Variants in PCTP observed in about 807,000 individuals in gnomAD.
PCTP encodes phosphatidylcholine transfer protein.
PCTP carries 27 observed loss-of-function variants against 31.0 expected under a neutral mutation model. That is an observed-to-expected ratio of 0.87 (90% CI 0.64 to 1.20). PCTP has a LOEUF of 1.20. PCTP is among the 50% of genes most tolerant of loss of function. The pLI is 0.00. For missense variants in PCTP, 287 were observed against 268.2 expected, an observed-to-expected ratio of 1.07 and a Z score of -0.49; for synonymous variants, 108 against 101.2, an observed-to-expected ratio of 1.07 and a Z score of -0.40.
At chr17:55,844,145 G>A (rs1212907189), downstream of PCTP, among the ~76,000 whole-genome samples, 3 of 152,280 alleles carry the variant, frequency 2.0e-5, no homozygotes, top group South Asian at 2.1e-4. Context: ...CATAGACATC[G>A]TATTATAAAT....
intron 1 of PCTP, 172 bp downstream of exon 1, chr17:55,751,416 GCCTC>G: frequency 6.5e-7 from 1 of 1,534,360 alleles, no homozygotes; most frequent in Non-Finnish European, 8.7e-7. Flanking sequence ...CAGGGGCGGT[GCCTC>G]CAAGTGACTG....
At chr17:55,757,489 T>C (rs1226344620) in intron 1 of PCTP, among the ~76,000 whole-genome samples, 2 of 151,414 alleles carry the variant, frequency 1.3e-5, no homozygotes, top group African/African-American at 4.9e-5. Context: ...TGTATATATA[T>C]ATGTGGAAAA....
At chr17:55,754,586 A>G (rs902843540) in intron 1 of PCTP, among the ~76,000 whole-genome samples, 3 of 152,226 alleles carry the variant, frequency 2.0e-5, no homozygotes, top group African/African-American at 7.2e-5. Context: ...ACAGTGTTGA[A>G]ATATGACTGG....
intron 5 of PCTP, among the ~76,000 whole-genome samples, chr17:55,840,321 G>A (rs547466682): frequency 6.6e-6 from 1 of 152,262 alleles, no homozygotes; most frequent in East Asian, 1.9e-4. Context: ...ATTCCCCAGA[G>A]GGAAGATGGA....
intron 3 of PCTP, among the ~76,000 whole-genome samples, chr17:55,801,120 G>GC (rs1350981614): frequency 3.3e-5 from 5 of 152,028 alleles, no homozygotes; most frequent in African/African-American, 1.2e-4. Flanking sequence ...CCTACTTGAT[G>GC]CATTACATAA....
At chr17:55,803,247 A>G (rs1447933068) in intron 3 of PCTP, among the ~76,000 whole-genome samples, 5 of 152,200 alleles carry the variant, frequency 3.3e-5, no homozygotes, top group African/African-American at 1.2e-4. Flanking sequence ...ATGGTCATGG[A>G]TAAGAAGAAT....
At chr17:55,781,913 TTGTGTGTGTG>T (rs34261304), downstream of PCTP, among the ~76,000 whole-genome samples, 21 of 149,480 alleles carry the variant, frequency 1.4e-4, no homozygotes, top group African/African-American at 5.1e-4. Flanking sequence ...CAGCACCTGA[TTGTGTGTGTG>T]TGTGTGTGTG....
At chr17:55,850,999 T>C in the PCTP span, among the ~76,000 whole-genome samples, 2 of 152,190 alleles carry the variant, frequency 1.3e-5, no homozygotes, top group African/African-American at 4.8e-5. Flanking sequence ...AGATAAATTA[T>C]TTTAAAAGCT....
the PCTP span, among the ~76,000 whole-genome samples, chr17:55,849,672 A>G: frequency 3.3e-5 from 5 of 152,234 alleles, no homozygotes; most frequent in East Asian, 3.9e-4. Context: ...ATTCTACACA[A>G]TATCTTCCAA....
intron 5 of PCTP, among the ~76,000 whole-genome samples, chr17:55,832,669 C>A (rs1279606888): frequency 6.6e-6 from 1 of 152,202 alleles, no homozygotes; most frequent in Non-Finnish European, 1.5e-5. Flanking sequence ...ATCCCTAATG[C>A]TATGGCTGAC....
intron 3 of PCTP, among the ~76,000 whole-genome samples, chr17:55,813,700 G>A (rs1912825702): frequency 6.6e-6 from 1 of 152,174 alleles, no homozygotes; most frequent in South Asian, 2.1e-4. Flanking sequence ...TTATGTAACT[G>A]TAATCAGACA....
At chr17:55,799,842 G>C (rs558537382) in intron 3 of PCTP, among the ~76,000 whole-genome samples, 9 of 152,192 alleles carry the variant, frequency 5.9e-5, no homozygotes, top group African/African-American at 2.2e-4. Context: ...AGCTTAGTTT[G>C]GCTGGATATG....
rs1461509108 is a variant in PCTP, at chr17:55,777,124, CTT to C, written c.*1027_*1028del. On this transcript the variant is annotated 3_prime_UTR_variant, in exon 6 of 6. Coordinates refer to ENST00000268896, the MANE Select transcript of PCTP (RefSeq NM_021213.4). ...TCTGCCTTTTCTACCACCAAAAAGA[CTT>C]TTAGTTTTCTATGCTTTCTCCTGAA... The C allele has an allele frequency of 1.2e-5, 12 of 985,770 alleles. No homozygotes were observed. In the South Asian group the frequency reaches 2.8e-4, roughly 23 times the overall value. 61.1% of individuals were successfully genotyped at this position (985,770 alleles called of 1,614,324 possible). A position where few individuals can be genotyped will look rare whatever the true frequency, so the allele number is the denominator to read the frequency against.
intron 3 of PCTP, among the ~76,000 whole-genome samples, chr17:55,800,765 T>C (rs1487293191): frequency 1.3e-5 from 2 of 152,316 alleles, no homozygotes; most frequent in East Asian, 1.9e-4. Flanking sequence ...TGTGGATTTA[T>C]CTACTTTTGG....
chr17:55,755,561 G>T (rs1909966941), intron 1 of PCTP, among the ~76,000 whole-genome samples: 1 of 151,898 alleles, frequency 6.6e-6, no homozygotes, highest in Non-Finnish European at 1.5e-5. Context: ...CCTGTTCTTG[G>T]ACAAGTGGGC....
chr17:55,807,466 T>A (rs1912611355), intron 3 of PCTP, among the ~76,000 whole-genome samples: 1 of 152,162 alleles, frequency 6.6e-6, no homozygotes, highest in South Asian at 2.1e-4. Flanking sequence ...CCTTCCCATC[T>A]CCTTTGGGCA....
chr17:55,774,125 A>G (rs1053355477), intron 4 of PCTP, among the ~76,000 whole-genome samples: 5 of 152,180 alleles, frequency 3.3e-5, no homozygotes, highest in Admixed American at 2.6e-4. Flanking sequence ...TTTTCTCCAG[A>G]CTCATGGATT....
At chr17:55,815,241 G>C (rs1912880802) in intron 3 of PCTP, among the ~76,000 whole-genome samples, 2 of 152,146 alleles carry the variant, frequency 1.3e-5, no homozygotes, top group Non-Finnish European at 2.9e-5. Flanking sequence ...AAATACACTT[G>C]ATAATTTTGC....
chr17:55,847,977 C>A, the PCTP span, among the ~76,000 whole-genome samples: 2 of 151,872 alleles, frequency 1.3e-5, no homozygotes, highest in South Asian at 4.1e-4. Context: ...GGCTGGAGTT[C>A]AGTGGTGAGA....
Sources: allele counts gnomAD v4.1 joint callset (sites outside exome capture counted in the v4.1 genomes callset), GRCh38; gene constraint gnomAD v4.1.1; transcripts MANE v1.5; gene names NCBI Gene and HGNC (gene_info 2026-07-23, HGNC 2026-07-21).